The following TMEM63C variants were observed in gnomAD, a reference collection of about 807,000 sequenced individuals.
TMEM63C encodes the protein osmosensitive cation channel TMEM63C.
TMEM63C carries 32 observed loss-of-function variants against 99.2 expected under a neutral mutation model. The ratio of observed to expected loss-of-function variants is 0.32; its 90% CI spans 0.24 to 0.43. TMEM63C has a LOEUF of 0.43. TMEM63C is among the 20% of genes least tolerant of loss of function. TMEM63C has a pLI of 1.00. For missense variants in TMEM63C, 826 were observed against 1,053.0 expected, an observed-to-expected ratio of 0.78 and a Z score of 2.98; for synonymous variants, 376 against 397.9, an observed-to-expected ratio of 0.94 and a Z score of 0.66.
In TMEM63C at chr14:77,242,428, C is replaced by T. The variant is rs1157199994; in HGVS notation, c.1146C>T (p.Tyr382=). ...TGACCACCATCGTCAAATCATATTACTGGAGGGTCACTATGGCCCCACACC... is the reference window on the plus strand; with the variant it reads ...TGACCACCATCGTCAAATCATATTATTGGAGGGTCACTATGGCCCCACACC... ...SSVTTIVKSY[Y]WRVTMAPHPK... is the part of the protein sequence containing the mutation. Residue 382 remains tyrosine (Y), a synonymous_variant, in exon 14 of 24, where the codon TAC becomes TAT. Coordinates refer to ENST00000298351, the MANE Select transcript of TMEM63C (RefSeq NM_020431.4). 1 of 1,613,794 alleles carries T rather than the reference C, an allele frequency of 6.2e-7. No homozygotes were observed. Among genetic ancestry groups the T allele is most frequent in the African/African-American group, 1.3e-5 (1 of 75,002 alleles).
chr14:77,234,269 G>T (rs1396541887), intron 8 of TMEM63C, among the ~76,000 whole-genome samples: 1 of 142,862 alleles, frequency 7.0e-6, no homozygotes, highest in Non-Finnish European at 1.5e-5. Context: ...CTATCCCTCT[G>T]CCCCTGCTCT....
intron 1 of TMEM63C, among the ~76,000 whole-genome samples, chr14:77,207,508 T>C (rs547886555): frequency 2.5e-4 from 38 of 152,374 alleles, no homozygotes; most frequent in African/African-American, 7.5e-4. Flanking sequence ...GCAAAGCTGC[T>C]CTGTTCCTTC....
chr14:77,254,400 C>A (rs1251688383), intron 23 of TMEM63C, among the ~76,000 whole-genome samples: 1 of 152,184 alleles, frequency 6.6e-6, no homozygotes, highest in Non-Finnish European at 1.5e-5. Context: ...ACCCTACACA[C>A]AGGCACAGAT....
chr14:77,207,591 C>G (rs1025628860), intron 1 of TMEM63C, among the ~76,000 whole-genome samples: 1 of 152,376 alleles, frequency 6.6e-6, no homozygotes, highest in South Asian at 2.1e-4. Context: ...GCCTTTGTCT[C>G]TCTCCAGCTG....
intron 5 of TMEM63C, 55 bp downstream of exon 5, chr14:77,220,142 G>A (rs1594857792): frequency 1.1e-5 from 16 of 1,494,838 alleles, no homozygotes; most frequent in East Asian, 2.5e-5. Flanking sequence ...GCAGGCAGGC[G>A]TGGTGTGCAC....
At chr14:77,217,853 A>G (rs900794788) in intron 2 of TMEM63C, among the ~76,000 whole-genome samples, 4 of 152,212 alleles carry the variant, frequency 2.6e-5, no homozygotes, top group Non-Finnish European at 5.9e-5. Context: ...CAAACTCCAC[A>G]TATTTCCAGC....
intron 5 of TMEM63C, among the ~76,000 whole-genome samples, chr14:77,221,493 CCTA>C (rs1353494775): frequency 8.7e-5 from 5 of 57,442 alleles, no homozygotes; most frequent in Non-Finnish European, 1.7e-4. Context: ...CGCCTCCCCT[CCTA>C]CTCTCGCCTC....
At chr14:77,219,648 C>T in intron 4 of TMEM63C, 71 bp downstream of exon 4, 1 of 1,505,966 alleles carries the variant, frequency 6.6e-7, no homozygotes, top group Middle Eastern at 1.9e-4. Context: ...CAGGACGCAG[C>T]TCTGCCCAGC....
At chr14:77,229,811 C>A (rs1322125954) in intron 6 of TMEM63C, among the ~76,000 whole-genome samples, 1 of 151,822 alleles carries the variant, frequency 6.6e-6, no homozygotes, top group Non-Finnish European at 1.5e-5. Flanking sequence ...TTATTTACTT[C>A]TTTTTCATAT....
In TMEM63C at chr14:77,215,486, A is replaced by G. The variant is rs1888563020; in HGVS notation, c.-14+1978A>G. Among the ~76,000 whole-genome samples, 2 of 151,102 alleles carry G rather than the reference A, an allele frequency of 1.3e-5. 1 individual carries two copies. Among genetic ancestry groups the G allele is most frequent in the South Asian group, 4.2e-4 (2 of 4,760 alleles). ...TGTAGTGGTGGGCACCTGTAGTCCG[A>G]GCTACTCAGGAGGCTGAGGTAGCAG... On this transcript the variant is annotated intron_variant, in intron 2 of 23. Coordinates refer to ENST00000298351, the MANE Select transcript of TMEM63C (RefSeq NM_020431.4).
chr14:77,194,740 ATT>A (rs11314660), intron 1 of TMEM63C, among the ~76,000 whole-genome samples: 4,396 of 144,498 alleles, frequency 0.03, 189 homozygotes, highest in African/African-American at 0.092. Context: ...CATCCAGCTA[ATT>A]TTTTTTTTTT....
rs1555347251 is a variant in TMEM63C at position 77,215,614 on chromosome 14, A to AAAAGAAAAGAAAAG, written c.-14+2109_-14+2110insGAAAAGAAAAGAAA. On this transcript the variant is annotated intron_variant, in intron 2 of 23. Transcript: ENST00000298351. ...AGACTCTGTCTCAAAAAAAAAAAAAAAAAAGAAAAGAAAAGAAAAAGAAAC... is the reference window on the plus strand; with the variant it reads ...AGACTCTGTCTCAAAAAAAAAAAAAAAAAGAAAAGAAAAGAAAAGAAAAGAAAAGAAAAAGAAAC... Among the ~76,000 whole-genome samples, 43 of 76,548 alleles carry AAAAGAAAAGAAAAG rather than the reference A, an allele frequency of 5.6e-4. No individual in the cohort carries two copies. In the East Asian group the frequency reaches 9.1e-3, roughly 16 times the overall value. 50.2% of individuals were successfully genotyped at this position (76,548 alleles called of 152,430 possible).
At chr14:77,189,794 T>C (rs1324261048) in intron 1 of TMEM63C, among the ~76,000 whole-genome samples, 1 of 151,972 alleles carries the variant, frequency 6.6e-6, no homozygotes, top group Admixed American at 6.6e-5. Context: ...TTCACTGGGG[T>C]GGGGGAGTTG....
At chr14:77,207,019 C>G (rs1888414062) in intron 1 of TMEM63C, among the ~76,000 whole-genome samples, 1 of 151,744 alleles carries the variant, frequency 6.6e-6, no homozygotes, top group Admixed American at 6.6e-5. Flanking sequence ...TGAGTCACTG[C>G]CCAGCTCCCA....
At chr14:77,245,914 A>C (rs768298774) in intron 16 of TMEM63C, 26 bp from the exon 17 acceptor site, 2 of 1,577,812 alleles carry the variant, frequency 1.3e-6, no homozygotes, top group East Asian at 4.5e-5. Flanking sequence ...ACGTCCATTG[A>C]TGAATATCTC....
At chr14:77,185,321 C>T (rs1455240215) in intron 1 of TMEM63C, among the ~76,000 whole-genome samples, 1 of 152,192 alleles carries the variant, frequency 6.6e-6, no homozygotes, top group Non-Finnish European at 1.5e-5. Flanking sequence ...CTTAGAGGAT[C>T]AGAGGCAGAA....
At chr14:77,225,618 C>T (rs541460515) in intron 6 of TMEM63C, among the ~76,000 whole-genome samples, 157 bp downstream of exon 6, 9 of 152,320 alleles carry the variant, frequency 5.9e-5, no homozygotes, top group African/African-American at 2.2e-4. Flanking sequence ...GGATGCTTTC[C>T]TGGGGTACAG....
rs373797020 is a variant in TMEM63C, at chr14:77,230,404, T to C, written c.351-1184T>C. On this transcript the variant is annotated intron_variant, in intron 6 of 23. Coordinates refer to ENST00000298351, the MANE Select transcript of TMEM63C (RefSeq NM_020431.4). ...GAAACCACACAGTATGTGTTGTTTG[T>C]GCCTGGTAACTTTTACTCAGCATTG... is the stretch of plus-strand genomic sequence containing the variant. Among the ~76,000 whole-genome samples the C allele has an allele frequency of 4.2e-4, 64 of 152,284 alleles. No individual in the cohort carries two copies. The South Asian group carries it at 0.012, about 29-fold the overall frequency.
chr14:77,238,459 C>T (rs963717835), intron 9 of TMEM63C, among the ~76,000 whole-genome samples: 5 of 152,182 alleles, frequency 3.3e-5, no homozygotes, highest in Non-Finnish European at 7.4e-5. Flanking sequence ...CACAGTTGAC[C>T]AACCTCAGAG....
Sources: allele counts gnomAD v4.1 joint callset (sites outside exome capture counted in the v4.1 genomes callset), GRCh38; gene constraint gnomAD v4.1.1; transcripts MANE v1.5; gene names NCBI Gene and HGNC (gene_info 2026-07-23, HGNC 2026-07-21).